The following ITGAE variants were observed in gnomAD, a reference collection of about 807,000 sequenced individuals.
ITGAE encodes the protein integrin alpha-E.
A neutral mutation model predicts 136.5 loss-of-function variants in ITGAE; 99 were observed. The ratio of observed to expected loss-of-function variants is 0.73; its 90% CI spans 0.62 to 0.86. The LOEUF (loss-of-function observed/expected upper bound fraction) is 0.86. Among genes scored for constraint, ITGAE ranks in the 40% least tolerant of loss-of-function variants. The pLI, the probability that ITGAE is intolerant of heterozygous loss-of-function variation, is 0.00. For synonymous variants in ITGAE, 613 were observed against 591.8 expected, an observed-to-expected ratio of 1.04 and a Z score of -0.52; for missense variants, 1,447 against 1,515.3, an observed-to-expected ratio of 0.95 and a Z score of 0.75.
At chr17:3,737,512 C>A (rs2051485893) in intron 20 of ITGAE, among the ~76,000 whole-genome samples, 1 of 151,392 alleles carries the variant, frequency 6.6e-6, no homozygotes, top group Non-Finnish European at 1.5e-5. Context: ...GGAGGAAGAC[C>A]CAAGGGTGGA....
At chr17:3,792,762 T>C (rs190911656) in intron 1 of ITGAE, among the ~76,000 whole-genome samples, 4 of 152,358 alleles carry the variant, frequency 2.6e-5, no homozygotes, top group African/African-American at 9.6e-5. Flanking sequence ...TGAAGCTTTC[T>C]TGAAGGTGAT....
chr17:3,729,430 C>T (rs2051290599), intron 24 of ITGAE, 48 bp downstream of exon 24: 2 of 1,191,018 alleles, frequency 1.7e-6, no homozygotes, highest in South Asian at 2.4e-5. Flanking sequence ...CAAAGCTGCC[C>T]CCTGGGCGAT....
chr17:3,731,044 G>C lies in ITGAE; in HGVS notation c.2834+60C>G, dbSNP rs1318499235. Reference sequence around the variant, plus strand: ...GCCGTTCCTCTCACAGCGTGCATGTGGCAGGGAGATGTCTTCCGGGGTCAT... The same window carrying C: ...GCCGTTCCTCTCACAGCGTGCATGTCGCAGGGAGATGTCTTCCGGGGTCAT... On this transcript the variant is annotated intron_variant, in intron 23 of 30. Transcript: ENST00000263087. 11 of 1,368,348 alleles carry C rather than the reference G, an allele frequency of 8.0e-6. No individual in the cohort carries two copies. The Admixed American group carries it at 1.9e-4, about 23-fold the overall frequency. 84.8% of individuals were successfully genotyped at this position (1,368,348 alleles called of 1,614,324 possible).
chr17:3,794,622 C>A (rs559161374), intron 1 of ITGAE, among the ~76,000 whole-genome samples: 2 of 152,238 alleles, frequency 1.3e-5, no homozygotes, highest in South Asian at 2.1e-4. Flanking sequence ...GGAAGAAGGC[C>A]GTACTGTTCC....
rs1250634383 is a variant in ITGAE, at chr17:3,723,671, G to C, written c.3141+17C>G. 6.3e-6 allele frequency: 10 copies of C among 1,576,550 alleles called. No homozygotes were observed. The highest frequency in any genetic ancestry group is 2.3e-5 in the East Asian group (1 of 43,318). ...GCCCTCCGCCCTCCCCTGGCCTCTC[G>C]GGACGGCCGCGCTTACCTGAACCGA... On this transcript the variant is annotated intron_variant, in intron 27 of 30. Coordinates refer to ENST00000263087, the MANE Select transcript of ITGAE (RefSeq NM_002208.5).
intron 18 of ITGAE, among the ~76,000 whole-genome samples, chr17:3,744,927 A>T (rs2051676584): frequency 6.6e-6 from 1 of 152,214 alleles, no homozygotes; most frequent in Non-Finnish European, 1.5e-5. Context: ...GAATGTGATT[A>T]AGCCTTTATT....
intron 1 of ITGAE, among the ~76,000 whole-genome samples, chr17:3,796,111 GTGTGCATCCC>G (rs1294656982): frequency 8.1e-4 from 58 of 71,774 alleles, no homozygotes; most frequent in South Asian, 1.9e-3. Context: ...GTGCATCCCT[GTGTGCATCCC>G]TGTGTGTGCA....
chr17:3,745,889 C>T lies in ITGAE; in HGVS notation c.2194G>A (p.Asp732Asn). 6.2e-7 allele frequency: 1 copy of T among 1,614,050 alleles called. No homozygotes were observed. The change falls in exon 18 of 31, where the codon GAT becomes AAT. Residue 732 changes from aspartate to asparagine, a missense_variant. By Grantham distance (23) the Asp-to-Asn change is conservative. This residue lies in a region of ITGAE where 1,031 missense variants were observed against 1,011.4 expected (regional missense o/e 1.02). Transcript: ENST00000263087. ...AGCCGTCTCCTCTGCTTCCCCACAT[C>T]CACATCCAGCGTGAAGTTGAGAAGT... ...EALLNFTLDV[D>N]VGKQRRRLQC... is the part of the protein sequence containing the mutation.
chr17:3,748,482 G>T (rs1445682920), intron 16 of ITGAE, among the ~76,000 whole-genome samples: 1 of 152,138 alleles, frequency 6.6e-6, no homozygotes, highest in Non-Finnish European at 1.5e-5. Flanking sequence ...ACCTACTTGG[G>T]AGGCTGAGGC....
intron 1 of ITGAE, among the ~76,000 whole-genome samples, chr17:3,792,161 GC>G (rs2052953912): frequency 6.6e-6 from 1 of 152,120 alleles, no homozygotes; most frequent in Non-Finnish European, 1.5e-5. Flanking sequence ...TGGCCCTGTT[GC>G]CCAGGCTGGA....
chr17:3,752,840 G>A (rs941109053), intron 14 of ITGAE, among the ~76,000 whole-genome samples: 3 of 151,150 alleles, frequency 2.0e-5, no homozygotes, highest in Admixed American at 2.0e-4. Flanking sequence ...ACCTGAGGTC[G>A]GGAGTTCAAG....
chr17:3,719,234 T>TA (rs2050999265), intron 29 of ITGAE, among the ~76,000 whole-genome samples: 16 of 34,796 alleles, frequency 4.6e-4, no homozygotes, highest in African/African-American at 1.7e-3. Context: ...AGATTCTTCC[T>TA]CAAAAAAAAA....
chr17:3,728,059 C>T, intron 25 of ITGAE, 33 bp from the exon 26 acceptor site: 1 of 1,604,320 alleles, frequency 6.2e-7, no homozygotes, highest in Non-Finnish European at 8.5e-7. Flanking sequence ...GAAATCAAAG[C>T]TGGTATTGCT....
chr17:3,765,037 G>A (rs1400151246), intron 2 of ITGAE, among the ~76,000 whole-genome samples: 1 of 151,880 alleles, frequency 6.6e-6, no homozygotes, highest in Non-Finnish European at 1.5e-5. Flanking sequence ...GGAAGCACAT[G>A]ATTAGCTGTG....
chr17:3,757,778 G>A lies in ITGAE; in HGVS notation c.948C>T (p.Phe316=), dbSNP rs1275048029. 10 of 1,613,994 alleles carry A rather than the reference G, an allele frequency of 6.2e-6. No individual in the cohort carries two copies. Among genetic ancestry groups the A allele is most frequent in the South Asian group, 1.1e-5 (1 of 91,086 alleles). ...CTGTCGTAAGGTTGAGGGGGTCCTCGAATATGCCACCATCGGTGAGCACCA... is the reference window on the plus strand; with the variant it reads ...CTGTCGTAAGGTTGAGGGGGTCCTCAAATATGCCACCATCGGTGAGCACCA... ...VMVVLTDGGI[F]EDPLNLTTVI... is the part of the protein sequence containing the mutation. The change falls in exon 9 of 31, where the codon TTC becomes TTT. Residue 316 remains phenylalanine, a synonymous_variant. Coordinates refer to ENST00000263087, the MANE Select transcript of ITGAE (RefSeq NM_002208.5).
At chr17:3,748,456 G>A (rs552695778) in intron 16 of ITGAE, among the ~76,000 whole-genome samples, 87 of 152,030 alleles carry the variant, frequency 5.7e-4, no homozygotes, top group African/African-American at 2.1e-3. Flanking sequence ...GTGTGGTGGC[G>A]GGCGCCTGTA....
rs755996485 is a variant in ITGAE at position 3,750,481 on chromosome 17, C to T, written c.1895G>A (p.Arg632Gln). ...WDGLSASPSQ[R>Q]IRASTVAPGL... The stretch of plus-strand genomic sequence containing the variant: ...TGGGGCCACCGTGGAGGCTCTGATC[C>T]GCTGTGGAGGCAGAAACACAAGGCG... Residue 632 changes from arginine (R) to glutamine (Q), a missense_variant and splice_region_variant, in exon 16 of 31, where the codon CGG becomes CAG. Physicochemically the swap from Arg to Gln is conservative, Grantham distance 43. This residue lies in a region of ITGAE where 1,031 missense variants were observed against 1,011.4 expected (regional missense o/e 1.02). Transcript: ENST00000263087. The T allele has an allele frequency of 1.2e-5, 19 of 1,614,004 alleles. No individual in the cohort carries two copies. The highest frequency in any genetic ancestry group is 6.6e-5 in the South Asian group (6 of 91,076).
chr17:3,734,801 C>T lies in ITGAE; in HGVS notation c.2655+16G>A. On this transcript the variant is annotated intron_variant, in intron 21 of 30. Coordinates refer to ENST00000263087, the MANE Select transcript of ITGAE (RefSeq NM_002208.5). ...GGGCGTGAGGGACCTGTTTCCACAG[C>T]CACCGTCACAGTCACCTTTTGCATC... 1 of 1,613,868 alleles carries T rather than the reference C, an allele frequency of 6.2e-7. No individual in the cohort carries two copies. Among genetic ancestry groups the T allele is most frequent in the Non-Finnish European group, 8.5e-7 (1 of 1,179,840 alleles).
At position 3,762,012 on chromosome 17, in the gene ITGAE, G is replaced by T. The variant is rs1021193706; in HGVS notation, c.248-30C>A. On this transcript the variant is annotated intron_variant, in intron 3 of 30. Transcript: ENST00000263087. Reference sequence around the variant, plus strand: ...AAAAGTTAAGCCCAGGTGAGGAGGAGGAGGGGACTCTGGGAGGCAGAGACC... The same window carrying T: ...AAAAGTTAAGCCCAGGTGAGGAGGATGAGGGGACTCTGGGAGGCAGAGACC... The T allele has an allele frequency of 1.9e-6, 3 of 1,599,424 alleles. No individual in the cohort carries two copies. The African/African-American group carries it at 4.0e-5, about 21-fold the overall frequency.
Sources: allele counts gnomAD v4.1 joint callset (sites outside exome capture counted in the v4.1 genomes callset), GRCh38; gene constraint gnomAD v4.1.1; regional missense constraint gnomAD v4.1.1; transcripts MANE v1.5; gene names NCBI Gene and HGNC (gene_info 2026-07-23, HGNC 2026-07-21).